Variants in ARPC5 observed in about 807,000 individuals in gnomAD.
The protein encoded by ARPC5 is actin related protein 2/3 complex subunit 5.
In ARPC5, 5 loss-of-function variants were observed where a neutral mutation model predicts 15.4. The ratio of observed to expected loss-of-function variants is 0.32; its 90% CI spans 0.17 to 0.68. The LOEUF (loss-of-function observed/expected upper bound fraction) is 0.68, where lower values mean the gene tolerates loss of function less well. ARPC5 is among the 30% of genes least tolerant of loss of function. ARPC5 has a pLI of 0.71. For synonymous variants in ARPC5, 85 were observed against 72.2 expected (o/e 1.18, Z -0.90); for missense variants, 138 against 192.8 (o/e 0.72, Z 1.68).
At position 183,623,416 on chromosome 1, in the gene ARPC5, T is replaced by G. The variant is rs993419876; in HGVS notation, c.*4116A>C. On this transcript the variant is annotated 3_prime_UTR_variant, in exon 4 of 4. Coordinates refer to ENST00000359856, the MANE Select transcript of ARPC5 (RefSeq NM_005717.4). Reference sequence around the variant, plus strand: ...CACCACCTTGAGGCAGATGACATGCTGTACCTCTGTGGGCTTCCCGGGCCT... The same window carrying G: ...CACCACCTTGAGGCAGATGACATGCGGTACCTCTGTGGGCTTCCCGGGCCT... 11 of 1,550,422 alleles carry G rather than the reference T, an allele frequency of 7.1e-6. No individual in the cohort carries two copies. The highest frequency in any genetic ancestry group is 9.6e-6 in the Non-Finnish European group (11 of 1,146,942).
chr1:183,623,215 G>C lies in ARPC5; in HGVS notation c.*4317C>G. The C allele has an allele frequency of 1.7e-6, 1 of 578,956 alleles. No homozygotes were observed. The highest frequency in any genetic ancestry group is 3.1e-6 in the Non-Finnish European group (1 of 325,702). The allele number at this position is 578,956 out of a possible 1,614,324, so 35.9% of individuals were successfully genotyped here. A position where few individuals can be genotyped will look rare whatever the true frequency, so the allele number is the denominator to read the frequency against. On this transcript the variant is annotated 3_prime_UTR_variant, in exon 4 of 4. Coordinates refer to ENST00000359856, the MANE Select transcript of ARPC5 (RefSeq NM_005717.4). The stretch of plus-strand genomic sequence containing the variant: ...ATACACTACTCAATTTGTGTTTCAT[G>C]TGGTGTGGATTCTAGGGAACTGTTT...
rs1456050896 is a variant in ARPC5 at position 183,635,748 on chromosome 1, T to C, written c.-89A>G. 4.6e-6 allele frequency: 7 copies of C among 1,520,278 alleles called. No individual in the cohort carries two copies. The highest frequency in any genetic ancestry group is 2.4e-5 in the East Asian group (1 of 42,010). 94.2% of individuals were successfully genotyped at this position (1,520,278 alleles called of 1,614,324 possible). A position where few individuals can be genotyped will look rare whatever the true frequency, so the allele number is the denominator to read the frequency against. ...CAGCAACCCACTACCCGGCGCCTGA[T>C]TCACTTCCCTCTTCCGCTCTGAGGC... On this transcript the variant is annotated 5_prime_UTR_variant, in exon 1 of 4. Coordinates refer to ENST00000359856, the MANE Select transcript of ARPC5 (RefSeq NM_005717.4).
At chr1:183,627,828 T>A (rs1376260170) in intron 3 of ARPC5, among the ~76,000 whole-genome samples, 2 of 152,158 alleles carry the variant, frequency 1.3e-5, no homozygotes, top group African/African-American at 4.8e-5. Context: ...TACATTCTAG[T>A]GAGATACTAG....
In ARPC5 at chr1:183,630,604, T is replaced by G. The variant is rs150967276; in HGVS notation, c.250A>C (p.Ile84Leu). Residue 84 changes from isoleucine to leucine, a missense_variant, in exon 3 of 4, where the codon ATC becomes CTC. By Grantham distance (5) the Ile-to-Leu change is conservative. This residue lies in a region of ARPC5 where 121 missense variants were observed against 153.7 expected (regional missense o/e 0.79). Coordinates refer to ENST00000359856, the MANE Select transcript of ARPC5 (RefSeq NM_005717.4). ...RAGSIVLKVL[I>L]SFKANDIEKA... is the part of the protein sequence containing the mutation. ...TCTATATCATTAGCTTTAAAAGAGA[T>G]GAGCACCTTCAAGACAATGCTGCCT... The G allele has an allele frequency of 2.4e-5, 39 of 1,613,968 alleles. No homozygotes were observed. In the African/African-American group the frequency reaches 4.7e-4, roughly 19 times the overall value.
chr1:183,634,494 CA>C (rs1352590692), intron 1 of ARPC5, among the ~76,000 whole-genome samples: 2 of 152,180 alleles, frequency 1.3e-5, no homozygotes, highest in East Asian at 3.8e-4. Context: ...GAAATGCATA[CA>C]AATTCAGTGT....
Position 183,629,700 on chromosome 1 carries a change from A to T in ARPC5, c.393+761T>A, listed in dbSNP as rs141819816. Among the ~76,000 whole-genome samples the T allele has an allele frequency of 3.9e-3, 601 of 152,262 alleles. 5 individuals carry two copies. Among genetic ancestry groups the T allele is most frequent in the African/African-American group, 0.014 (569 of 41,554 alleles). ...GATTTAAGAATTCTTGATCCTCCAA[A>T]CTCCTAATTCTTTAAAAAAGTTGTA... On this transcript the variant is annotated intron_variant, in intron 3 of 3. Coordinates refer to ENST00000359856, the MANE Select transcript of ARPC5 (RefSeq NM_005717.4).
In ARPC5 at chr1:183,621,557, T is replaced by A. The variant is rs2101950654; in HGVS notation, c.*5975A>T. The A allele has an allele frequency of 6.6e-6, 1 of 152,322 alleles. No homozygotes were observed. Among genetic ancestry groups the A allele is most frequent in the East Asian group, 1.9e-4 (1 of 5,188 alleles). The allele number at this position is 152,322 out of a possible 1,614,324, so 9.4% of individuals were successfully genotyped here. A position where few individuals can be genotyped will look rare whatever the true frequency, so the allele number is the denominator to read the frequency against. Reference sequence around the variant, plus strand: ...GGCCAGTCTGTAAAGTTAAAGCAAGTTTATTAAGAAAGTAAAGGAATAAAG... The same window carrying A: ...GGCCAGTCTGTAAAGTTAAAGCAAGATTATTAAGAAAGTAAAGGAATAAAG... On this transcript the variant is annotated 3_prime_UTR_variant, in exon 4 of 4. Transcript: ENST00000359856.
chr1:183,622,655 A>G lies in ARPC5; in HGVS notation c.*4877T>C, dbSNP rs61265590. 0.079 allele frequency: 12,013 copies of G among 152,256 alleles called. 913 individuals carry two copies. The highest frequency in any genetic ancestry group is 0.2 in the African/African-American group (8,275 of 41,488). The allele number at this position is 152,256 out of a possible 1,614,324, so 9.4% of individuals were successfully genotyped here. On this transcript the variant is annotated 3_prime_UTR_variant, in exon 4 of 4. Coordinates refer to ENST00000359856, the MANE Select transcript of ARPC5 (RefSeq NM_005717.4). ...ATGAACAGATCATATAAACTCCCAT[A>G]GTGCCACTGTTAGCCAGATATGAGC...
At chr1:183,633,817 T>C (rs1360044112) in intron 1 of ARPC5, 1 of 152,220 alleles carries the variant, frequency 6.6e-6, no homozygotes, top group Non-Finnish European at 1.5e-5. Context: ...CAGGCTCTCT[T>C]TGAAAGCACT....
Position 183,635,633 on chromosome 1 carries a change from G to C in ARPC5, c.27C>G (p.Ala9=). 1.2e-6 allele frequency: 2 copies of C among 1,613,332 alleles called. No individual in the cohort carries two copies. Among genetic ancestry groups the C allele is most frequent in the Non-Finnish European group, 1.7e-6 (2 of 1,179,724 alleles). MSKNTVSS[A]RFRKVDVDEY... ...CATCCACGTCCACCTTCCGGAAGCG[G>C]GCCGACGACACTGTGTTCTTCGACA... The change falls in exon 1 of 4, where the codon GCC becomes GCG. Residue 9 remains alanine (A), a synonymous_variant. Coordinates refer to ENST00000359856, the MANE Select transcript of ARPC5 (RefSeq NM_005717.4).
Position 183,621,583 on chromosome 1 carries a change from A to G in ARPC5, c.*5949T>C, listed in dbSNP as rs936026715. Reference sequence around the variant, plus strand: ...TTATTAAGAAAGTAAAGGAATAAAGAATGGCTACTCCATAGGCAGAGCAGC... The same window carrying G: ...TTATTAAGAAAGTAAAGGAATAAAGGATGGCTACTCCATAGGCAGAGCAGC... On this transcript the variant is annotated 3_prime_UTR_variant, in exon 4 of 4. Transcript: ENST00000359856. 3.3e-5 allele frequency: 5 copies of G among 152,222 alleles called. No individual in the cohort carries two copies. Among genetic ancestry groups the G allele is most frequent in the African/African-American group, 9.6e-5 (4 of 41,456 alleles). The allele number at this position is 152,222 out of a possible 1,614,324, so 9.4% of individuals were successfully genotyped here. A position where few individuals can be genotyped will look rare whatever the true frequency, so the allele number is the denominator to read the frequency against.
At chr1:183,632,554 A>G (rs1034751659) in intron 2 of ARPC5, 8 of 152,414 alleles carry the variant, frequency 5.2e-5, no homozygotes, top group African/African-American at 1.9e-4. Context: ...TGTACATTGC[A>G]TATAGCTGAA....
rs1338703869 is a variant in ARPC5 at position 183,622,449 on chromosome 1, A to C, written c.*5083T>G. 1 of 152,224 alleles carries C rather than the reference A, an allele frequency of 6.6e-6. No homozygotes were observed. The highest frequency in any genetic ancestry group is 1.5e-5 in the Non-Finnish European group (1 of 68,032). 9.4% of individuals were successfully genotyped at this position (152,224 alleles called of 1,614,324 possible). A position where few individuals can be genotyped will look rare whatever the true frequency, so the allele number is the denominator to read the frequency against. On this transcript the variant is annotated 3_prime_UTR_variant, in exon 4 of 4. Transcript: ENST00000359856. ...GAGAAACAAAAGGAAGTATGATGTT[A>C]TTCAGAGGCATTGGCCATTTAAGTT...
Position 183,624,640 on chromosome 1 carries a change from C to G in ARPC5, c.*2892G>C, listed in dbSNP as rs185285807. On this transcript the variant is annotated 3_prime_UTR_variant, in exon 4 of 4. Transcript: ENST00000359856. Reference sequence around the variant, plus strand: ...GTTCATTTCACTTGGACCGTTTGTCCTTTCTGCCCCTCCAAAGGATTAGTT... The same window carrying G: ...GTTCATTTCACTTGGACCGTTTGTCGTTTCTGCCCCTCCAAAGGATTAGTT... 15 of 152,344 alleles carry G rather than the reference C, an allele frequency of 9.8e-5. No individual in the cohort carries two copies. Among genetic ancestry groups the G allele is most frequent in the African/African-American group, 3.6e-4 (15 of 41,580 alleles). The allele number at this position is 152,344 out of a possible 1,614,324, so 9.4% of individuals were successfully genotyped here.
In ARPC5 at chr1:183,622,549, A is replaced by G. The variant is rs1018479972; in HGVS notation, c.*4983T>C. 8 of 152,316 alleles carry G rather than the reference A, an allele frequency of 5.3e-5. No homozygotes were observed. Among genetic ancestry groups the G allele is most frequent in the East Asian group, 3.9e-4 (2 of 5,188 alleles). The allele number at this position is 152,316 out of a possible 1,614,324, so 9.4% of individuals were successfully genotyped here. A position where few individuals can be genotyped will look rare whatever the true frequency, so the allele number is the denominator to read the frequency against. On this transcript the variant is annotated 3_prime_UTR_variant, in exon 4 of 4. Coordinates refer to ENST00000359856, the MANE Select transcript of ARPC5 (RefSeq NM_005717.4). ...CAAGGACGGTGATATAAATTCATGGATATAATTTAATGGTTATCTTTAAGG... is the reference window on the plus strand; with the variant it reads ...CAAGGACGGTGATATAAATTCATGGGTATAATTTAATGGTTATCTTTAAGG...
intron 3 of ARPC5, among the ~76,000 whole-genome samples, chr1:183,629,226 G>A (rs1306737347): frequency 2.6e-5 from 4 of 152,176 alleles, no homozygotes; most frequent in Non-Finnish European, 5.9e-5. Context: ...AGAATATGTG[G>A]AATATAATAA....
Position 183,623,454 on chromosome 1 carries a change from G to A in ARPC5, c.*4078C>T. On this transcript the variant is annotated 3_prime_UTR_variant, in exon 4 of 4. Coordinates refer to ENST00000359856, the MANE Select transcript of ARPC5 (RefSeq NM_005717.4). ...GCTTCCCGGGCCTCCTCCATATCTG[G>A]AATCATACAAGAGGCACCTGCACAG... 1 of 1,550,352 alleles carries A rather than the reference G, an allele frequency of 6.5e-7. No individual in the cohort carries two copies.
Position 183,627,458 on chromosome 1 carries a change from G to C in ARPC5, c.*74C>G, listed in dbSNP as rs189428029. Reference sequence around the variant, plus strand: ...AAACAGATGCTACCCACAGGGCAGCGGTGGCATTTGGTTGTTTTGGTCTTT... The same window carrying C: ...AAACAGATGCTACCCACAGGGCAGCCGTGGCATTTGGTTGTTTTGGTCTTT... On this transcript the variant is annotated 3_prime_UTR_variant, in exon 4 of 4. Transcript: ENST00000359856. 2 of 1,250,028 alleles carry C rather than the reference G, an allele frequency of 1.6e-6. No individual in the cohort carries two copies. The highest frequency in any genetic ancestry group is 2.4e-5 in the South Asian group (2 of 83,566). 77.4% of individuals were successfully genotyped at this position (1,250,028 alleles called of 1,614,324 possible). A position where few individuals can be genotyped will look rare whatever the true frequency, so the allele number is the denominator to read the frequency against.
chr1:183,622,228 A>G lies in ARPC5; in HGVS notation c.*5304T>C, dbSNP rs1183728961. 1 of 152,222 alleles carries G rather than the reference A, an allele frequency of 6.6e-6. No homozygotes were observed. Among genetic ancestry groups the G allele is most frequent in the Non-Finnish European group, 1.5e-5 (1 of 68,032 alleles). 9.4% of individuals were successfully genotyped at this position (152,222 alleles called of 1,614,324 possible). A position where few individuals can be genotyped will look rare whatever the true frequency, so the allele number is the denominator to read the frequency against. ...ACAATAGTTGGTTGTCAAAAGAGGA[A>G]CTAGGGTGGAATGGAAAATTACCAC... On this transcript the variant is annotated 3_prime_UTR_variant, in exon 4 of 4. Transcript: ENST00000359856.
Sources: gnomAD v4.1 joint callset for allele counts (sites outside exome capture counted in the v4.1 genomes callset) on GRCh38, gnomAD v4.1.1 for gene constraint, gnomAD v4.1.1 regional missense constraint, MANE v1.5 for transcripts, NCBI Gene and HGNC (gene_info 2026-07-23, HGNC 2026-07-21) for gene names.